The following SLC15A3 variants were observed in gnomAD, a reference collection of about 807,000 sequenced individuals.
SLC15A3 encodes solute carrier family 15 member 3, also known as osteoclast transporter.
Under a neutral mutation model 49.2 loss-of-function variants are expected in SLC15A3, and 39 were observed. That is an observed-to-expected ratio of 0.79 (90% CI 0.61 to 1.04). The LOEUF (loss-of-function observed/expected upper bound fraction) is 1.04, where lower values mean the gene tolerates loss of function less well. SLC15A3 is among the 50% of genes least tolerant of loss of function. SLC15A3 has a pLI of 0.00. For synonymous variants in SLC15A3, 339 were observed against 367.0 expected (o/e 0.92, Z 0.87); for missense variants, 758 against 794.8 (o/e 0.95, Z 0.56).
intron 3 of SLC15A3, 120 bp downstream of exon 3, chr11:60,943,569 C>T (rs1856750590): frequency 8.8e-7 from 1 of 1,135,940 alleles, no homozygotes; most frequent in Non-Finnish European, 1.2e-6. Context: ...GGCAGCACCT[C>T]ACTTTATTCC....
In SLC15A3 at chr11:60,943,709, A is replaced by G; in HGVS notation, c.976T>C (p.Tyr326His). Reference sequence around the variant, plus strand: ...CTCACCTGGAAGTAGACCATCCAGTAGGGCACCAGGGTCACCATGACGGGC... The same window carrying G: ...CTCACCTGGAAGTAGACCATCCAGTGGGGCACCAGGGTCACCATGACGGGC... ...ILPVMVTLVP[Y>H]WMVYFQMQST... is the part of the protein sequence containing the mutation. Residue 326 changes from tyrosine (Y) to histidine (H), a missense_variant, in exon 3 of 8, where the codon TAC becomes CAC. Physicochemically the swap from Tyr to His is moderately conservative, Grantham distance 83. Around this residue, in one of 3 missense-constraint regions of SLC15A3, gnomAD observed 699 missense variants for 706.7 expected, o/e 0.99. Coordinates refer to ENST00000227880, the MANE Select transcript of SLC15A3 (RefSeq NM_016582.3). The G allele has an allele frequency of 6.3e-7, 1 of 1,591,978 alleles. No individual in the cohort carries two copies. The highest frequency in any genetic ancestry group is 8.6e-7 in the Non-Finnish European group (1 of 1,167,744).
At chr11:60,949,620 C>A (rs1240480019) in intron 1 of SLC15A3, among the ~76,000 whole-genome samples, 1 of 152,098 alleles carries the variant, frequency 6.6e-6, no homozygotes, top group Non-Finnish European at 1.5e-5. Context: ...ATCAAAGGAT[C>A]CTAAACAAGC....
intron 6 of SLC15A3, 75 bp downstream of exon 6, chr11:60,939,404 TG>T (rs1044348045): frequency 2.0e-5 from 31 of 1,555,382 alleles, no homozygotes; most frequent in Middle Eastern, 2.1e-4. Context: ...GCTGCATCCC[TG>T]GGGTACCTGA....
rs1454913050 is a variant in SLC15A3 at position 60,951,456 on chromosome 11, C to G, written c.96G>C (p.Arg32=). 7.0e-7 allele frequency: 1 copy of G among 1,428,246 alleles called. No homozygotes were observed. Among genetic ancestry groups the G allele is most frequent in the Non-Finnish European group, 9.2e-7 (1 of 1,086,578 alleles). The allele number at this position is 1,428,246 out of a possible 1,614,324, so 88.5% of individuals were successfully genotyped here. A position where few individuals can be genotyped will look rare whatever the true frequency, so the allele number is the denominator to read the frequency against. ...RGARGPRRWR[R]AAGAAVLLVE... ...CCAGCAGCACGGCCGCGCCCGCCGC[C>G]CGCCGCCACCGTCGAGGGCCCCGCG... The change falls in exon 1 of 8, where the codon CGG becomes CGC. Residue 32 remains arginine (R), a synonymous_variant. Transcript: ENST00000227880.
intron 3 of SLC15A3, 130 bp downstream of exon 3, chr11:60,943,559 G>A (rs1240417118): frequency 1.9e-6 from 2 of 1,028,794 alleles, no homozygotes; most frequent in Non-Finnish European, 1.3e-6. Flanking sequence ...GCTGGTACGG[G>A]GCAGCACCTC....
At chr11:60,946,450 G>T in intron 2 of SLC15A3, 82 bp downstream of exon 2, 1 of 1,455,532 alleles carries the variant, frequency 6.9e-7, no homozygotes, top group Non-Finnish European at 9.2e-7. Flanking sequence ...CAGAATGTCT[G>T]CAACCTGGAC....
intron 1 of SLC15A3, among the ~76,000 whole-genome samples, chr11:60,949,487 A>AAGAAGGAAG (rs1302147368): frequency 6.9e-6 from 1 of 144,060 alleles, no homozygotes; most frequent in African/African-American, 2.6e-5. Context: ...AAAGAAAGGA[A>AAGAAGGAAG]GAAAGAAAGA....
At chr11:60,942,354 G>A in intron 3 of SLC15A3, 1 of 528,924 alleles carries the variant, frequency 1.9e-6, no homozygotes, top group East Asian at 3.4e-5. Flanking sequence ...CAGGCCTGTA[G>A]GCAGTGCGTG....
rs376512014 is a variant in SLC15A3 at position 60,943,737 on chromosome 11, G to C, written c.948C>G (p.Ile316Met). The change falls in exon 3 of 8, where the codon ATC becomes ATG. Residue 316 changes from isoleucine (I) to methionine (M), a missense_variant. Physicochemically the swap from Ile to Met is conservative, Grantham distance 10. This residue lies in a region of SLC15A3 where 699 missense variants were observed against 706.7 expected (regional missense o/e 0.99). Transcript: ENST00000227880. ...DIANFQVLVK[I>M]LPVMVTLVPY... ...GCACCAGGGTCACCATGACGGGCAAGATCTTCACCAGCACCTGGAAGTTGG... is the reference window on the plus strand; with the variant it reads ...GCACCAGGGTCACCATGACGGGCAACATCTTCACCAGCACCTGGAAGTTGG... 1.2e-6 allele frequency: 2 copies of C among 1,605,164 alleles called. No homozygotes were observed. The highest frequency in any genetic ancestry group is 1.1e-5 in the South Asian group (1 of 89,502).
chr11:60,941,355 G>T, intron 4 of SLC15A3, 65 bp from the exon 5 acceptor site: 2 of 1,520,698 alleles, frequency 1.3e-6, no homozygotes, highest in Non-Finnish European at 1.8e-6. Flanking sequence ...GCAGTCAGGA[G>T]ACCTGGACTC....
intron 1 of SLC15A3, among the ~76,000 whole-genome samples, chr11:60,947,346 A>T (rs1036555361): frequency 6.6e-6 from 1 of 151,958 alleles, no homozygotes; most frequent in African/African-American, 2.4e-5. Flanking sequence ...CACCTGGCTA[A>T]TTTTTTGTAT....
intron 1 of SLC15A3, among the ~76,000 whole-genome samples, chr11:60,947,428 C>T (rs1279217549): frequency 1.3e-5 from 2 of 152,224 alleles, no homozygotes; most frequent in Non-Finnish European, 2.9e-5. Flanking sequence ...ATCCGCTCGC[C>T]TCGGCCTCCC....
At chr11:60,937,796 A>G in intron 7 of SLC15A3, 74 bp downstream of exon 7, 1 of 1,540,550 alleles carries the variant, frequency 6.5e-7, no homozygotes, top group Admixed American at 1.9e-5. Flanking sequence ...GAGTCAAAGC[A>G]CTTTAGCAGT....
At chr11:60,949,458 AAG>A (rs755719766) in intron 1 of SLC15A3, among the ~76,000 whole-genome samples, 13 of 147,784 alleles carry the variant, frequency 8.8e-5, no homozygotes, top group South Asian at 2.2e-4. Flanking sequence ...AAGAGAAAGA[AAG>A]AGAGAGAGAG....
Position 60,951,882 on chromosome 11 carries a change from C to T in SLC15A3, c.-331G>A. The stretch of plus-strand genomic sequence containing the variant: ...CTCTCCTCCCTCCACCTTGACCCTT[C>T]CTCGCACTCTTGTTCACACTGCGAC... On this transcript the variant is annotated 5_prime_UTR_variant, in exon 1 of 8. Coordinates refer to ENST00000227880, the MANE Select transcript of SLC15A3 (RefSeq NM_016582.3). 6.8e-6 allele frequency: 1 copy of T among 146,556 alleles called. No homozygotes were observed. The highest frequency in any genetic ancestry group is 3.0e-3 in the Middle Eastern group (1 of 338). The allele number at this position is 146,556 out of a possible 1,614,324, so 9.1% of individuals were successfully genotyped here.
Position 60,951,375 on chromosome 11 carries a change from G to T in SLC15A3, c.177C>A (p.Tyr59Ter). The T allele has an allele frequency of 1.9e-6, 3 of 1,554,030 alleles. No individual in the cohort carries two copies. The highest frequency in any genetic ancestry group is 2.6e-6 in the Non-Finnish European group (3 of 1,155,444). ...FFGVTANLVL[Y>*]LNSTNFNWTG... ...TCCAGTTGAAGTTGGTGCTGTTGAG[G>T]TACAGCACGAGGTTGGCGGTGACGC... Residue 59 changes from tyrosine to a stop codon, truncating the protein, a stop_gained, in exon 1 of 8, where the codon TAC becomes TAA. Coordinates refer to ENST00000227880, the MANE Select transcript of SLC15A3 (RefSeq NM_016582.3). LOFTEE classifies it high-confidence loss of function.
intron 1 of SLC15A3, among the ~76,000 whole-genome samples, chr11:60,949,537 AAAGAAAGAAAGAAAGAAAGAAAGAAAG>A (rs1856869888): frequency 1.3e-5 from 1 of 77,808 alleles, no homozygotes; most frequent in Admixed American, 1.8e-4. Flanking sequence ...AGAAAGAAAG[AAAGAAAGAAAGAAAGAAAGAAAGAAAG>A]AAAGAAAAGA....
rs1856927421 is a variant in SLC15A3 at position 60,951,667 on chromosome 11, C to G, written c.-116G>C. 14 of 804,262 alleles carry G rather than the reference C, an allele frequency of 1.7e-5. No homozygotes were observed. Among genetic ancestry groups the G allele is most frequent in the Non-Finnish European group, 2.0e-5 (13 of 655,546 alleles). The allele number at this position is 804,262 out of a possible 1,614,324, so 49.8% of individuals were successfully genotyped here. ...CTCCCCCACCCAACTGGCTGGCCCT[C>G]CTTTCTCACCGCTTTGGCCCACCCT... On this transcript the variant is annotated 5_prime_UTR_variant, in exon 1 of 8. Coordinates refer to ENST00000227880, the MANE Select transcript of SLC15A3 (RefSeq NM_016582.3).
Position 60,946,805 on chromosome 11 carries a change from C to A in SLC15A3, c.575G>T (p.Arg192Leu). Residue 192 changes from arginine (R) to leucine (L), a missense_variant, in exon 2 of 8, where the codon CGC becomes CTC. Arg to Leu is a moderately radical substitution (Grantham distance 102). Coordinates refer to ENST00000227880, the MANE Select transcript of SLC15A3 (RefSeq NM_016582.3). ...FGADQVMDLG[R>L]DATRRFFNWF... is the part of the protein sequence containing the mutation. ...GTTGAAGAAGCGGCGGGTGGCGTCGCGGCCGAGATCCATCACCTGCCATTC... is the reference window on the plus strand; with the variant it reads ...GTTGAAGAAGCGGCGGGTGGCGTCGAGGCCGAGATCCATCACCTGCCATTC... The A allele has an allele frequency of 6.2e-7, 1 of 1,610,190 alleles. No individual in the cohort carries two copies. Among genetic ancestry groups the A allele is most frequent in the Non-Finnish European group, 8.5e-7 (1 of 1,178,938 alleles).
Sources: allele counts gnomAD v4.1 joint callset (sites outside exome capture counted in the v4.1 genomes callset), GRCh38; gene constraint gnomAD v4.1.1; regional missense constraint gnomAD v4.1.1; transcripts MANE v1.5; gene names NCBI Gene and HGNC (gene_info 2026-07-23, HGNC 2026-07-21).